STAM: variants seen among roughly 807,000 people sequenced by gnomAD.
STAM encodes signal transducing adaptor molecule, also known as signal transducing adapter molecule 1.
A neutral mutation model predicts 63.4 loss-of-function variants in STAM; 16 were observed. The ratio of observed to expected loss-of-function variants is 0.25; its 90% confidence interval spans 0.17 to 0.38. The LOEUF is 0.38. Ranked by LOEUF, STAM falls within the 10% of genes least tolerant of loss-of-function variation. STAM has a pLI of 1.00. For synonymous variants in STAM, 238 were observed against 223.9 expected, an observed-to-expected ratio of 1.06 and a Z score of -0.56; for missense variants, 636 against 657.1, an observed-to-expected ratio of 0.97 and a Z score of 0.35.
At chr10:17,697,178 C>A (rs1174302967) in intron 8 of STAM, among the ~76,000 whole-genome samples, 2 of 152,232 alleles carry the variant, frequency 1.3e-5, no homozygotes, top group Admixed American at 6.5e-5. Context: ...ATCCACCCGC[C>A]TCAGTCTCCC....
At chr10:17,652,304 G>A (rs1354268393) in intron 1 of STAM, among the ~76,000 whole-genome samples, 1 of 152,098 alleles carries the variant, frequency 6.6e-6, no homozygotes, top group Non-Finnish European at 1.5e-5. Flanking sequence ...TGATTTTGAT[G>A]ATTTTGAGAC....
In STAM at chr10:17,706,375, T is replaced by C. The variant is rs1300272337; in HGVS notation, c.1209+634T>C. Among the ~76,000 whole-genome samples, 63 of 124,578 alleles carry C rather than the reference T, an allele frequency of 5.1e-4. 1 individual carries two copies. The highest frequency in any genetic ancestry group is 1.7e-3 in the African/African-American group (54 of 32,696). The allele number at this position is 124,578 out of a possible 152,430, so 81.7% of individuals were successfully genotyped here. On this transcript the variant is annotated intron_variant, in intron 12 of 13. Transcript: ENST00000377524. ...AATCCTCAGGGTTGAGGCCCTTTTT[T>C]TTTTTTTTTTTTTTTTTTTTTGAGG... is the stretch of plus-strand genomic sequence containing the variant.
At chr10:17,648,981 A>G (rs1248834730) in intron 1 of STAM, among the ~76,000 whole-genome samples, 1 of 152,156 alleles carries the variant, frequency 6.6e-6, no homozygotes, top group Non-Finnish European at 1.5e-5. Context: ...CTCTGTAGCT[A>G]TATGGTACTC....
chr10:17,675,503 CAA>C (rs199745685), intron 2 of STAM, among the ~76,000 whole-genome samples: 7 of 110,756 alleles, frequency 6.3e-5, no homozygotes, highest in Admixed American at 8.8e-5. Context: ...GACTCTGTCT[CAA>C]AAAAAAAAAA....
intron 10 of STAM, 43 bp from the exon 11 acceptor site, chr10:17,704,927 T>C (rs782767888): frequency 6.6e-7 from 1 of 1,519,448 alleles, no homozygotes; most frequent in East Asian, 2.3e-5. Flanking sequence ...CACATTTTTT[T>C]TTCTTGTACT....
intron 1 of STAM, among the ~76,000 whole-genome samples, chr10:17,656,882 C>G (rs781960564): frequency 6.6e-6 from 1 of 152,160 alleles, no homozygotes; most frequent in African/African-American, 2.4e-5. Context: ...AAGTGGGTGA[C>G]TTGAAGAGTA....
chr10:17,709,145 G>A (rs143796756), intron 13 of STAM, among the ~76,000 whole-genome samples, 194 bp downstream of exon 13: 4 of 152,224 alleles, frequency 2.6e-5, no homozygotes, highest in East Asian at 1.9e-4. Context: ...CTCTGCTCCC[G>A]ACTCGCTCAA....
intron 10 of STAM, 131 bp downstream of exon 10, chr10:17,704,649 C>G (rs1836173732): frequency 1.3e-6 from 1 of 760,344 alleles, no homozygotes; most frequent in African/African-American, 1.8e-5. Context: ...CCCAGGCTCA[C>G]TCTCATATGC....
At chr10:17,686,620 G>GC (rs1447123542) in intron 4 of STAM, among the ~76,000 whole-genome samples, 1 of 152,032 alleles carries the variant, frequency 6.6e-6, no homozygotes, top group East Asian at 1.9e-4. Context: ...CCTTGTGATT[G>GC]CCCACCTCGG....
chr10:17,684,486 C>T (rs1001032748), intron 2 of STAM, among the ~76,000 whole-genome samples, 189 bp from the exon 3 acceptor site: 4 of 151,864 alleles, frequency 2.6e-5, no homozygotes, highest in African/African-American at 4.8e-5. Context: ...ATAAGAGAGC[C>T]TGTTAATTTT....
chr10:17,714,483 T>G (rs1836713265), intron 13 of STAM, 60 bp from the exon 14 acceptor site: 2 of 1,479,080 alleles, frequency 1.4e-6, no homozygotes, highest in African/African-American at 2.8e-5. Context: ...CTTTTCCATT[T>G]ATCTGTAGTT....
At chr10:17,659,560 T>C (rs12248781) in intron 1 of STAM, among the ~76,000 whole-genome samples, 16,743 of 148,862 alleles carry the variant, frequency 0.11, 1,041 homozygotes, top group Middle Eastern at 0.16. Flanking sequence ...CCTCAACCTC[T>C]TGGGCTCAAG....
intron 1 of STAM, among the ~76,000 whole-genome samples, chr10:17,653,529 C>T (rs1353647281): frequency 6.6e-6 from 1 of 152,190 alleles, no homozygotes; most frequent in Non-Finnish European, 1.5e-5. Context: ...CCTCCCAGAT[C>T]TAGCTCCATA....
chr10:17,645,637 C>A (rs1554820737), intron 1 of STAM, among the ~76,000 whole-genome samples: 1 of 152,066 alleles, frequency 6.6e-6, no homozygotes, highest in South Asian at 2.1e-4. Context: ...TTTTGTTCCA[C>A]CTTAAATGAG....
intron 1 of STAM, among the ~76,000 whole-genome samples, chr10:17,646,855 A>G (rs1833540107): frequency 6.6e-6 from 1 of 152,230 alleles, no homozygotes; most frequent in African/African-American, 2.4e-5. Context: ...ACCAATGAAT[A>G]TGTCATAACA....
intron 9 of STAM, among the ~76,000 whole-genome samples, chr10:17,701,430 G>A (rs1835989969): frequency 6.6e-6 from 1 of 152,128 alleles, no homozygotes; most frequent in Admixed American, 6.6e-5. Context: ...ATCAGGAGTT[G>A]GCAAACTCTT....
rs1554820501 is a variant in STAM at position 17,644,304 on chromosome 10, A to C, written c.-36A>C. ...GAGCTCTGACTCCCGTGCTGTCGAG[A>C]GGGAGTCCCCGGGGACACCTCGGCA... On this transcript the variant is annotated 5_prime_UTR_variant, in exon 1 of 14. Coordinates refer to ENST00000377524, the MANE Select transcript of STAM (RefSeq NM_003473.4). 2 of 1,612,074 alleles carry C rather than the reference A, an allele frequency of 1.2e-6. No individual in the cohort carries two copies. Among genetic ancestry groups the C allele is most frequent in the Non-Finnish European group, 1.7e-6 (2 of 1,178,300 alleles).
intron 13 of STAM, among the ~76,000 whole-genome samples, chr10:17,713,922 G>T (rs1321429254): frequency 6.6e-5 from 10 of 152,078 alleles, no homozygotes; most frequent in Admixed American, 6.5e-4. Context: ...CCCCACCACC[G>T]CAGTCCTGCC....
At chr10:17,667,475 C>T (rs995784277) in intron 2 of STAM, among the ~76,000 whole-genome samples, 6 of 152,098 alleles carry the variant, frequency 3.9e-5, no homozygotes, top group East Asian at 1.9e-4. Context: ...CACTCAGTTT[C>T]GTAACATGGC....
Sources: allele counts gnomAD v4.1 joint callset (sites outside exome capture counted in the v4.1 genomes callset), GRCh38; gene constraint gnomAD v4.1.1; transcripts MANE v1.5; gene names NCBI Gene and HGNC (gene_info 2026-07-23, HGNC 2026-07-21).